RBFOX1: variants seen among roughly 807,000 people sequenced by gnomAD.
The protein encoded by RBFOX1 is RNA binding fox-1 homolog 1.
Under a neutral mutation model 57.7 loss-of-function variants are expected in RBFOX1, and 8 were observed. That is an observed-to-expected ratio of 0.14 (90% CI 0.08 to 0.25). The LOEUF (loss-of-function observed/expected upper bound fraction) is 0.25, where lower values mean the gene tolerates loss of function less well. RBFOX1 is among the 10% of genes least tolerant of loss of function. The pLI is 1.00. For synonymous variants in RBFOX1, 326 were observed against 222.4 expected (o/e 1.47, Z -4.15); for missense variants, 611 against 548.5 (o/e 1.11, Z -1.14).
intron 3 of RBFOX1, among the ~76,000 whole-genome samples, chr16:5,816,757 C>G (rs999484682): frequency 1.3e-5 from 2 of 152,098 alleles, no homozygotes; most frequent in African/African-American, 2.4e-5. Context: ...GTACTCTAGC[C>G]TGGGTAACAG....
intron 2 of RBFOX1, among the ~76,000 whole-genome samples, chr16:5,592,854 C>G (rs1009582432): frequency 1.3e-5 from 2 of 152,150 alleles, no homozygotes; most frequent in African/African-American, 4.8e-5. Context: ...GGGGTCAGAA[C>G]ACTTTAGGGT....
At chr16:6,875,154 C>A (rs907703659) in intron 3 of RBFOX1, among the ~76,000 whole-genome samples, 6 of 152,118 alleles carry the variant, frequency 3.9e-5, no homozygotes, top group Non-Finnish European at 8.8e-5. Context: ...CATATAATGC[C>A]TACAGTGCTT....
intron 2 of RBFOX1, among the ~76,000 whole-genome samples, chr16:6,593,037 C>A (rs938026237): frequency 6.6e-6 from 1 of 152,074 alleles, no homozygotes; most frequent in Non-Finnish European, 1.5e-5. Flanking sequence ...ACTAAAAATA[C>A]AAAAGTTAGC....
At chr16:7,681,694 T>G (rs922644997) in intron 14 of RBFOX1, among the ~76,000 whole-genome samples, 1 of 152,100 alleles carries the variant, frequency 6.6e-6, no homozygotes, top group Non-Finnish European at 1.5e-5. Context: ...AAGAAGATGT[T>G]GTATTTTATG....
At chr16:7,647,848 C>G (rs1432160449) in intron 11 of RBFOX1, among the ~76,000 whole-genome samples, 1 of 152,168 alleles carries the variant, frequency 6.6e-6, no homozygotes, top group Non-Finnish European at 1.5e-5. Flanking sequence ...GACATCTAAA[C>G]TAGGATAGAT....
At chr16:6,267,820 G>A (rs1013863272) in intron 1 of RBFOX1, among the ~76,000 whole-genome samples, 4 of 152,148 alleles carry the variant, frequency 2.6e-5, no homozygotes, top group Admixed American at 2.0e-4. Flanking sequence ...AAACCCACAG[G>A]TTGGACATCC....
chr16:6,256,279 A>ATG (rs1330309923), intron 1 of RBFOX1, among the ~76,000 whole-genome samples: 1 of 128,276 alleles, frequency 7.8e-6, no homozygotes, highest in Admixed American at 8.2e-5. Flanking sequence ...ATGTATATAT[A>ATG]TATGTGTGTA....
intron 4 of RBFOX1, among the ~76,000 whole-genome samples, chr16:7,239,066 A>C (rs577215512): frequency 1.3e-5 from 2 of 152,250 alleles, no homozygotes; most frequent in African/African-American, 4.8e-5. Context: ...GGTTGATTCC[A>C]CATCCTTGCT....
At chr16:5,377,769 T>C (rs75596065) in intron 1 of RBFOX1, among the ~76,000 whole-genome samples, 3,670 of 151,476 alleles carry the variant, frequency 0.024, 245 homozygotes, top group African/African-American at 0.076. Flanking sequence ...ACAAGTCCTC[T>C]GAACTGCACC....
intron 3 of RBFOX1, among the ~76,000 whole-genome samples, chr16:6,955,689 GTATTTATT>G (rs58578302): frequency 1.7e-5 from 2 of 118,614 alleles, no homozygotes; most frequent in South Asian, 2.6e-4. Flanking sequence ...AGGTATGTAT[GTATTTATT>G]TATTTATTTA....
At chr16:7,618,420 T>C (rs2058800460) in intron 10 of RBFOX1, among the ~76,000 whole-genome samples, 1 of 152,202 alleles carries the variant, frequency 6.6e-6, no homozygotes, top group African/African-American at 2.4e-5. Context: ...GATTGGGTTC[T>C]TAATTACTAA....
chr16:6,917,200 T>C (rs2073390934), intron 3 of RBFOX1, among the ~76,000 whole-genome samples: 1 of 152,164 alleles, frequency 6.6e-6, no homozygotes, highest in South Asian at 2.1e-4. Context: ...TCTTAATTTG[T>C]ATTTAAAATA....
chr16:6,208,724 A>C (rs1209247279), intron 1 of RBFOX1, among the ~76,000 whole-genome samples: 2 of 152,328 alleles, frequency 1.3e-5, no homozygotes, highest in African/African-American at 4.8e-5. Flanking sequence ...ATATTTAAAA[A>C]AAAATATGCA....
At chr16:5,564,074 T>C (rs2045978846) in intron 2 of RBFOX1, among the ~76,000 whole-genome samples, 1 of 152,046 alleles carries the variant, frequency 6.6e-6, no homozygotes, top group Non-Finnish European at 1.5e-5. Context: ...AGTGCAGTGG[T>C]GCGATCTCAG....
At chr16:5,740,262 A>G (rs1209749798) in intron 3 of RBFOX1, among the ~76,000 whole-genome samples, 1 of 152,138 alleles carries the variant, frequency 6.6e-6, no homozygotes, top group Admixed American at 6.5e-5. Flanking sequence ...CATCATCAGA[A>G]GTGAGAGGAG....
chr16:6,501,980 A>C (rs889478247), intron 2 of RBFOX1, among the ~76,000 whole-genome samples: 1 of 152,180 alleles, frequency 6.6e-6, no homozygotes. Context: ...TGTAAAGTTT[A>C]CATTCTTCTA....
intron 1 of RBFOX1, among the ~76,000 whole-genome samples, chr16:5,261,724 G>T (rs572319383): frequency 8.2e-4 from 124 of 152,036 alleles, no homozygotes; most frequent in African/African-American, 2.5e-3. Context: ...TAATTTTTTT[G>T]TATTTTTGGT....
intron 5 of RBFOX1, among the ~76,000 whole-genome samples, chr16:7,533,349 T>C (rs139218845): frequency 3.6e-4 from 55 of 152,330 alleles, no homozygotes; most frequent in African/African-American, 1.3e-3. Context: ...AGAGTTGTTA[T>C]ATCAGAAATA....
intron 5 of RBFOX1, among the ~76,000 whole-genome samples, chr16:7,531,765 A>G (rs1344272584): frequency 1.3e-5 from 2 of 152,206 alleles, no homozygotes; most frequent in East Asian, 3.8e-4. Flanking sequence ...TTTTACCTAA[A>G]TGACATTCCC....
Sources: gnomAD v4.1 joint callset for allele counts (sites outside exome capture counted in the v4.1 genomes callset) on GRCh38, gnomAD v4.1.1 for gene constraint, MANE v1.5 for transcripts, NCBI Gene and HGNC (gene_info 2026-07-23, HGNC 2026-07-21) for gene names.